Variants in NCAM1 observed in about 807,000 individuals in gnomAD.
NCAM1 encodes the protein neural cell adhesion molecule 1.
A neutral mutation model predicts 109.8 loss-of-function variants in NCAM1; 14 were observed. That is an observed-to-expected ratio of 0.13 (90% CI 0.08 to 0.20). The LOEUF (loss-of-function observed/expected upper bound fraction) is 0.20. NCAM1 is among the 10% of genes least tolerant of loss of function. The probability of loss-of-function intolerance (pLI) is 1.00; values close to 1 mark genes in which losing one functional copy is unlikely to be tolerated. For missense variants in NCAM1, 774 were observed against 1,109.9 expected (o/e 0.70, Z 4.30); for synonymous variants, 418 against 442.9 (o/e 0.94, Z 0.70).
intron 1 of NCAM1, among the ~76,000 whole-genome samples, chr11:113,169,034 TTCTGTG>T (rs1402438471): frequency 8.4e-6 from 1 of 118,576 alleles, no homozygotes; most frequent in South Asian, 3.2e-4. Context: ...CTCTTCCTCT[TTCTGTG>T]TGTGTGTGTG....
At chr11:113,172,479 T>C (rs1005469220) in intron 1 of NCAM1, among the ~76,000 whole-genome samples, 38 of 152,236 alleles carry the variant, frequency 2.5e-4, no homozygotes, top group African/African-American at 9.2e-4. Context: ...CTTGGCTGGA[T>C]GTCAGGATAT....
chr11:113,068,146 C>G (rs1400651548), intron 1 of NCAM1, among the ~76,000 whole-genome samples: 3 of 152,092 alleles, frequency 2.0e-5, no homozygotes, highest in African/African-American at 7.2e-5. Context: ...CTCCTGACCT[C>G]GTGATCCACC....
intron 1 of NCAM1, among the ~76,000 whole-genome samples, chr11:113,123,583 G>T (rs1407236473): frequency 6.6e-6 from 1 of 152,190 alleles, no homozygotes; most frequent in Admixed American, 6.5e-5. Context: ...AGATGTGCCT[G>T]CTTCTGTGGT....
chr11:113,237,846 A>G lies in NCAM1; in HGVS notation c.1825+2682A>G, dbSNP rs558983082. Among the ~76,000 whole-genome samples, 3 of 150,542 alleles carry G rather than the reference A, an allele frequency of 2.0e-5. No individual in the cohort carries two copies. The South Asian group carries it at 6.3e-4, about 31-fold the overall frequency. On this transcript the variant is annotated intron_variant, in intron 14 of 19. Coordinates refer to ENST00000316851, the MANE Select transcript of NCAM1 (RefSeq NM_181351.5). ...TTCATTGCCAGCTCAGTTCTTGCAA[A>G]GGTGAGACCATATATATAGATATAT...
Position 113,274,403 on chromosome 11 carries a change from G to A in NCAM1, c.2457-864G>A, listed in dbSNP as rs529356088. 3.9e-5 allele frequency among the ~76,000 whole-genome samples: 6 copies of A among 152,312 alleles called. No homozygotes were observed. The highest frequency in any genetic ancestry group is 1.4e-4 in the African/African-American group (6 of 41,556). On this transcript the variant is annotated intron_variant, in intron 19 of 19. Transcript: ENST00000316851. This position sits in a 1 kb window ranked among gnomAD's most constrained non-coding sequence, Gnocchi z 4.1. Reference sequence around the variant, plus strand: ...GTAAGTGTCTTGCCAAAATTCAGTGGCACCAGCTGAGGCTGGGGTCTGTGC... The same window carrying A: ...GTAAGTGTCTTGCCAAAATTCAGTGACACCAGCTGAGGCTGGGGTCTGTGC...
chr11:113,246,230 C>T (rs1945500196), intron 14 of NCAM1, 138 bp from the exon 15 acceptor site: 2 of 597,640 alleles, frequency 3.3e-6, no homozygotes, highest in African/African-American at 3.7e-5. Context: ...CCATTGTTTA[C>T]ATCAGTTTTT....
At chr11:113,016,962 G>T (rs782448645) in intron 1 of NCAM1, among the ~76,000 whole-genome samples, 2 of 152,186 alleles carry the variant, frequency 1.3e-5, no homozygotes, top group Non-Finnish European at 2.9e-5. Context: ...TGAGGAGAGG[G>T]TGCTTCCAAC....
intron 1 of NCAM1, among the ~76,000 whole-genome samples, chr11:113,023,429 C>G (rs1308049505): frequency 1.3e-5 from 2 of 152,168 alleles, no homozygotes; most frequent in Admixed American, 6.5e-5. Context: ...CAAAGCACTT[C>G]CCAAGGAAGT....
chr11:113,150,806 A>T (rs782668079), intron 1 of NCAM1, among the ~76,000 whole-genome samples: 1 of 152,148 alleles, frequency 6.6e-6, no homozygotes, highest in Non-Finnish European at 1.5e-5. Context: ...ATTTGGGAAG[A>T]GTTTGAGTGG....
intron 14 of NCAM1, among the ~76,000 whole-genome samples, chr11:113,238,714 G>A (rs1945244184): frequency 6.6e-6 from 1 of 152,230 alleles, no homozygotes; most frequent in African/African-American, 2.4e-5. Flanking sequence ...AAGAACCAGT[G>A]GCATTGGTTT....
At chr11:113,065,337 AT>A (rs1213997558) in intron 1 of NCAM1, among the ~76,000 whole-genome samples, 8 of 152,206 alleles carry the variant, frequency 5.3e-5, no homozygotes, top group Non-Finnish European at 1.2e-4. Flanking sequence ...AATTATGTAG[AT>A]ACTCCATCCT....
chr11:113,143,417 G>A (rs1941901435), intron 1 of NCAM1, among the ~76,000 whole-genome samples: 1 of 152,140 alleles, frequency 6.6e-6, no homozygotes, highest in African/African-American at 2.4e-5. Flanking sequence ...AATGGCGCCG[G>A]ATATGTTAAA....
intron 1 of NCAM1, among the ~76,000 whole-genome samples, chr11:112,973,664 A>T (rs1555067199): frequency 6.6e-6 from 1 of 152,106 alleles, no homozygotes; most frequent in African/African-American, 2.4e-5. Flanking sequence ...GTGAGGATGA[A>T]ATGAGGTAGT....
chr11:113,193,280 G>A (rs1340800462), intron 1 of NCAM1, among the ~76,000 whole-genome samples: 4 of 152,196 alleles, frequency 2.6e-5, no homozygotes, highest in African/African-American at 9.7e-5. Context: ...CTTTGGTCTA[G>A]GACATGTCTG....
At chr11:112,961,956 C>A (rs1256321087) in intron 1 of NCAM1, among the ~76,000 whole-genome samples, 5 of 152,124 alleles carry the variant, frequency 3.3e-5, no homozygotes, top group Non-Finnish European at 7.4e-5. Flanking sequence ...CCGGCCGGCT[C>A]CTGGGGACTC....
At chr11:113,174,466 A>C (rs1943088705) in intron 1 of NCAM1, among the ~76,000 whole-genome samples, 1 of 152,182 alleles carries the variant, frequency 6.6e-6, no homozygotes, top group South Asian at 2.1e-4. Flanking sequence ...AATCTGCAAC[A>C]GTGATTTGCT....
chr11:113,025,481 C>T (rs1952509063), intron 1 of NCAM1, among the ~76,000 whole-genome samples: 1 of 151,960 alleles, frequency 6.6e-6, no homozygotes, highest in Non-Finnish European at 1.5e-5. Context: ...GGAGGAGACA[C>T]ATGGTGTAAA....
At chr11:113,096,969 A>G (rs1039820470) in intron 1 of NCAM1, among the ~76,000 whole-genome samples, 3 of 151,974 alleles carry the variant, frequency 2.0e-5, no homozygotes, top group Non-Finnish European at 4.4e-5. Context: ...GCTCCCTTCC[A>G]TGCCAGACCC....
intron 8 of NCAM1, among the ~76,000 whole-genome samples, chr11:113,220,084 G>A (rs575947322): frequency 2.0e-5 from 3 of 152,184 alleles, no homozygotes; most frequent in African/African-American, 7.2e-5. Flanking sequence ...AGAGACAATC[G>A]GGCAGTCTTG....
Sources: allele counts gnomAD v4.1 joint callset (sites outside exome capture counted in the v4.1 genomes callset), GRCh38; gene constraint gnomAD v4.1.1; non-coding constraint Gnocchi (gnomAD v3.1); transcripts MANE v1.5; gene names NCBI Gene and HGNC (gene_info 2026-07-23, HGNC 2026-07-21).